CDYL: variants seen among roughly 807,000 people sequenced by gnomAD.
CDYL encodes the protein chromodomain Y like.
A neutral mutation model predicts 47.3 loss-of-function variants in CDYL; 8 were observed. That is an observed-to-expected ratio of 0.17 (90% confidence interval 0.10 to 0.31). CDYL has a LOEUF of 0.31. Ranked by LOEUF, CDYL falls within the 10% of genes least tolerant of loss-of-function variation. CDYL has a pLI of 1.00. For synonymous variants in CDYL, 266 were observed against 265.0 expected (o/e 1.00, Z -0.04); for missense variants, 471 against 701.4 (o/e 0.67, Z 3.71).
At chr6:4,854,597 A>G (rs74700479) in intron 1 of CDYL, among the ~76,000 whole-genome samples, 3,304 of 152,278 alleles carry the variant, frequency 0.022, 128 homozygotes, top group African/African-American at 0.076. Context: ...AAAATGCTAC[A>G]CCACCTGGAA....
chr6:4,846,846 C>G (rs1760675109), intron 1 of CDYL, among the ~76,000 whole-genome samples: 1 of 152,182 alleles, frequency 6.6e-6, no homozygotes. Flanking sequence ...CTGTTTTAGG[C>G]AAACCAAGAC....
chr6:4,861,726 T>C (rs1761174980), intron 1 of CDYL, among the ~76,000 whole-genome samples: 1 of 152,232 alleles, frequency 6.6e-6, no homozygotes, highest in Non-Finnish European at 1.5e-5. Flanking sequence ...TTGGAAGCTG[T>C]CACATGATCC....
intron 2 of CDYL, among the ~76,000 whole-genome samples, chr6:4,728,434 T>C (rs1446339028): frequency 6.6e-6 from 1 of 152,190 alleles, no homozygotes; most frequent in East Asian, 1.9e-4. Context: ...TTGCATGGGC[T>C]TCCTCTTCCG....
intron 1 of CDYL, among the ~76,000 whole-genome samples, chr6:4,814,185 T>C (rs556957101): frequency 2.0e-5 from 3 of 152,372 alleles, no homozygotes; most frequent in East Asian, 1.9e-4. Context: ...TGGCAAACTT[T>C]TGGGAACAAA....
At position 4,898,517 on chromosome 6, in the gene CDYL, G is replaced by A. The variant is rs565596741; in HGVS notation, c.691+6138G>A. On this transcript the variant is annotated intron_variant, in intron 2 of 6. Coordinates refer to ENST00000397588, the MANE Select transcript of CDYL (RefSeq NM_004824.4). ...CCCACTTACACAAGGAAAGGGTCCA[G>A]AAGCTAGAAATCAAACGAGAGGGGA... is the stretch of plus-strand genomic sequence containing the variant. Among the ~76,000 whole-genome samples, 4 of 152,310 alleles carry A rather than the reference G, an allele frequency of 2.6e-5. No homozygotes were observed. In the East Asian group the frequency reaches 7.7e-4, roughly 29 times the overall value.
intron 1 of CDYL, among the ~76,000 whole-genome samples, chr6:4,874,852 A>G (rs1761575787): frequency 6.6e-6 from 1 of 152,158 alleles, no homozygotes; most frequent in South Asian, 2.1e-4. Context: ...TTTGCTGAGC[A>G]TGGTGACGTT....
At chr6:4,854,697 G>A (rs982823292) in intron 1 of CDYL, among the ~76,000 whole-genome samples, 1 of 152,220 alleles carries the variant, frequency 6.6e-6, no homozygotes, top group African/African-American at 2.4e-5. Flanking sequence ...CACCTAGCAG[G>A]TAAGTTGTCA....
chr6:4,772,085 C>T (rs775815668), upstream of CDYL, among the ~76,000 whole-genome samples: 6 of 152,158 alleles, frequency 3.9e-5, no homozygotes, highest in Non-Finnish European at 8.8e-5. Context: ...GAAAAAGGAA[C>T]CGTACTTAAA....
At chr6:4,720,764 G>C (rs567285158) in intron 2 of CDYL, among the ~76,000 whole-genome samples, 1 of 152,210 alleles carries the variant, frequency 6.6e-6, no homozygotes, top group African/African-American at 2.4e-5. Flanking sequence ...GGAGTGATCA[G>C]TCAAAAGCTC....
intron 1 of CDYL, among the ~76,000 whole-genome samples, chr6:4,888,541 T>C (rs1324888374): frequency 1.3e-5 from 2 of 152,192 alleles, no homozygotes; most frequent in African/African-American, 4.8e-5. Flanking sequence ...TTAATCAAAA[T>C]AAGTAAAAGT....
At chr6:4,806,513 A>T in intron 1 of CDYL, among the ~76,000 whole-genome samples, 1 of 152,160 alleles carries the variant, frequency 6.6e-6, no homozygotes, top group South Asian at 2.1e-4. Context: ...CACTCCTCCA[A>T]CTTCCTGAGT....
chr6:4,910,983 G>A (rs531038816), intron 2 of CDYL, among the ~76,000 whole-genome samples: 13 of 152,226 alleles, frequency 8.5e-5, no homozygotes, highest in Non-Finnish European at 4.4e-5. Context: ...ACAGGCGCCT[G>A]CCACCACGCC....
At chr6:4,810,565 T>C (rs1428019050) in intron 1 of CDYL, among the ~76,000 whole-genome samples, 2 of 152,230 alleles carry the variant, frequency 1.3e-5, no homozygotes, top group Non-Finnish European at 2.9e-5. Context: ...TATAATAAAA[T>C]CTACACATCT....
At chr6:4,897,165 C>A (rs1200222054) in intron 2 of CDYL, among the ~76,000 whole-genome samples, 1 of 152,186 alleles carries the variant, frequency 6.6e-6, no homozygotes, top group South Asian at 2.1e-4. Context: ...ATTATCGTAA[C>A]TTTGTCCTTT....
At chr6:4,715,631 G>T in intron 1 of CDYL, 3 of 1,051,942 alleles carry the variant, frequency 2.9e-6, no homozygotes, top group Non-Finnish European at 2.7e-6. Flanking sequence ...CAAAATGCTG[G>T]CTCACTCTCA....
intron 3 of CDYL, among the ~76,000 whole-genome samples, chr6:4,735,221 G>A (rs1188964883): frequency 6.6e-6 from 1 of 151,970 alleles, no homozygotes; most frequent in Non-Finnish European, 1.5e-5. Flanking sequence ...GGGAGATGGA[G>A]GTTGCGGTGA....
intron 1 of CDYL, among the ~76,000 whole-genome samples, chr6:4,782,388 A>T (rs1303175287): frequency 6.6e-6 from 1 of 152,138 alleles, no homozygotes; most frequent in African/African-American, 2.4e-5. Context: ...ATGAATCTCC[A>T]TTCCTGACTC....
At chr6:4,927,428 C>CGTGTGTGTGTGT (rs35317751) in intron 2 of CDYL, among the ~76,000 whole-genome samples, 12,890 of 142,392 alleles carry the variant, frequency 0.091, 663 homozygotes, top group Admixed American at 0.12. Flanking sequence ...ATTTACTGTA[C>CGTGTGTGTGTGT]GTGTGTGTGT....
At chr6:4,769,997 G>GTT (rs1229471258) in intron 3 of CDYL, among the ~76,000 whole-genome samples, 1 of 151,590 alleles carries the variant, frequency 6.6e-6, no homozygotes, top group Non-Finnish European at 1.5e-5. Flanking sequence ...GTGTGTGTGT[G>GTT]TGTGTGTGTG....
Sources: allele counts gnomAD v4.1 joint callset (sites outside exome capture counted in the v4.1 genomes callset), GRCh38; gene constraint gnomAD v4.1.1; transcripts MANE v1.5; gene names NCBI Gene and HGNC (gene_info 2026-07-23, HGNC 2026-07-21).